Variants in MAP3K9 observed in about 807,000 individuals in gnomAD.
The protein encoded by MAP3K9 is mitogen-activated protein kinase kinase kinase 9.
In MAP3K9, 46 loss-of-function variants were observed where a neutral mutation model predicts 95.8. The ratio of observed to expected loss-of-function variants is 0.48; its 90% CI spans 0.38 to 0.61. MAP3K9 has a LOEUF of 0.61. MAP3K9 is among the 20% of genes least tolerant of loss of function. MAP3K9 has a pLI of 0.00. For synonymous variants in MAP3K9, 533 were observed against 593.8 expected (o/e 0.90, Z 1.49); for missense variants, 1,296 against 1,474.3 (o/e 0.88, Z 1.98).
chr14:70,782,166 G>A (rs771737746), intron 2 of MAP3K9, among the ~76,000 whole-genome samples: 11 of 152,122 alleles, frequency 7.2e-5, no homozygotes, highest in Admixed American at 2.6e-4. Context: ...ACATCACACT[G>A]TTCTGGTTGT....
At position 70,797,614 on chromosome 14, in the gene MAP3K9, T is replaced by C. The variant is rs1445429290; in HGVS notation, c.820+3053A>G. On this transcript the variant is annotated intron_variant, in intron 2 of 11. Coordinates refer to ENST00000554752, the MANE Select transcript of MAP3K9 (RefSeq NM_001284230.2). ...TTAGCCAGGTGTGGTGGCAGTCTCC[T>C]GTAATCCCAGCTACTCAGGAGGCCG... is the stretch of plus-strand genomic sequence containing the variant. Among the ~76,000 whole-genome samples the C allele has an allele frequency of 2.0e-5, 3 of 152,090 alleles. No individual in the cohort carries two copies. In the South Asian group the frequency reaches 6.2e-4, roughly 32 times the overall value.
intron 2 of MAP3K9, among the ~76,000 whole-genome samples, chr14:70,789,025 G>C (rs974687354): frequency 2.0e-5 from 3 of 152,172 alleles, no homozygotes; most frequent in Non-Finnish European, 4.4e-5. Context: ...TCCTCCTGGG[G>C]CAAAAGCATT....
At chr14:70,775,303 T>C (rs2054583460) in intron 2 of MAP3K9, among the ~76,000 whole-genome samples, 2 of 152,152 alleles carry the variant, frequency 1.3e-5, no homozygotes, top group African/African-American at 2.4e-5. Context: ...ATTTTATAGT[T>C]GAGGAAGCTG....
chr14:70,787,010 G>A (rs527878292), intron 2 of MAP3K9, among the ~76,000 whole-genome samples: 6 of 152,252 alleles, frequency 3.9e-5, no homozygotes, highest in East Asian at 1.9e-4. Flanking sequence ...CATGTACACC[G>A]TGAATAAAAC....
intron 1 of MAP3K9, among the ~76,000 whole-genome samples, chr14:70,805,973 A>C (rs1440102897): frequency 6.6e-6 from 1 of 152,228 alleles, no homozygotes; most frequent in African/African-American, 2.4e-5. Context: ...GTTTGAAGCT[A>C]AATTTTCACT....
rs867300562 is a variant in MAP3K9, at chr14:70,724,855, G to C, written c.*5525C>G. 1 of 152,210 alleles carries C rather than the reference G, an allele frequency of 6.6e-6. No homozygotes were observed. The highest frequency in any genetic ancestry group is 2.4e-5 in the African/African-American group (1 of 41,438). 9.4% of individuals were successfully genotyped at this position (152,210 alleles called of 1,614,324 possible). A position where few individuals can be genotyped will look rare whatever the true frequency, so the allele number is the denominator to read the frequency against. On this transcript the variant is annotated 3_prime_UTR_variant, in exon 12 of 12. Transcript: ENST00000554752. The stretch of plus-strand genomic sequence containing the variant: ...GACGTCTATCCCTCATGTTCCGGTA[G>C]GAGAGGCCTGTCTGTGCACCCCTGG...
chr14:70,806,366 T>C (rs1198046549), intron 1 of MAP3K9, among the ~76,000 whole-genome samples: 2 of 152,244 alleles, frequency 1.3e-5, no homozygotes, highest in Non-Finnish European at 2.9e-5. Context: ...GTACAGTATC[T>C]ATCACTCACT....
chr14:70,782,744 A>T (rs2054697228), intron 2 of MAP3K9, among the ~76,000 whole-genome samples: 2 of 152,182 alleles, frequency 1.3e-5, no homozygotes, highest in Admixed American at 1.3e-4. Flanking sequence ...TCCCACCTCC[A>T]TGTCCATTGC....
Position 70,736,015 on chromosome 14 carries a change from C to G in MAP3K9, c.1859G>C (p.Arg620Pro), listed in dbSNP as rs757616738. Residue 620 changes from arginine to proline, a missense_variant, in exon 9 of 12, where the codon CGT (arginine) becomes CCT (proline). Transcript: ENST00000554752. ...ASGDEGSPQR[R>P]EKANGLSTPS... Reference sequence around the variant, plus strand: ...GGTACTTAAACCATTAGCTTTCTCACGTCTCTGAGGGGATCTTCAATGAAT... The same window carrying G: ...GGTACTTAAACCATTAGCTTTCTCAGGTCTCTGAGGGGATCTTCAATGAAT... 2.5e-6 allele frequency: 4 copies of G among 1,612,610 alleles called. No homozygotes were observed. The highest frequency in any genetic ancestry group is 3.4e-6 in the Non-Finnish European group (4 of 1,178,712).
chr14:70,739,267 C>T (rs1050757190), intron 7 of MAP3K9, among the ~76,000 whole-genome samples: 2 of 152,158 alleles, frequency 1.3e-5, no homozygotes, highest in African/African-American at 2.4e-5. Context: ...GTAGCTCGGA[C>T]TACAGATGGG....
At chr14:70,767,869 T>C (rs907340280) in intron 2 of MAP3K9, among the ~76,000 whole-genome samples, 17 of 152,162 alleles carry the variant, frequency 1.1e-4, no homozygotes, top group African/African-American at 4.1e-4. Context: ...TTATTTTTTG[T>C]ATTGACCGGT....
intron 2 of MAP3K9, among the ~76,000 whole-genome samples, chr14:70,776,738 C>T (rs2054604290): frequency 6.6e-6 from 1 of 151,988 alleles, no homozygotes; most frequent in Non-Finnish European, 1.5e-5. Flanking sequence ...CAACCTAGAA[C>T]CTCCACTTTG....
chr14:70,772,213 C>T (rs1451511994), intron 2 of MAP3K9, among the ~76,000 whole-genome samples: 1 of 152,230 alleles, frequency 6.6e-6, no homozygotes, highest in African/African-American at 2.4e-5. Flanking sequence ...CTGGCACAAC[C>T]AGCAAAGCTA....
intron 2 of MAP3K9, among the ~76,000 whole-genome samples, chr14:70,774,983 C>CAAAAAAAAAAAAAAAAAAAA (rs60144338): frequency 1.6e-4 from 9 of 55,114 alleles, no homozygotes; most frequent in African/African-American, 3.1e-4. Flanking sequence ...ACTCTGTCCC[C>CAAAAAAAAAAAAAAAAAAAA]AAAAAAAAAA....
In MAP3K9 at chr14:70,797,536, G is replaced by A. The variant is rs573252442; in HGVS notation, c.820+3131C>T. Among the ~76,000 whole-genome samples, 17 of 152,176 alleles carry A rather than the reference G, an allele frequency of 1.1e-4. No individual in the cohort carries two copies. The East Asian group carries it at 2.7e-3, about 24-fold the overall frequency. On this transcript the variant is annotated intron_variant, in intron 2 of 11. Coordinates refer to ENST00000554752, the MANE Select transcript of MAP3K9 (RefSeq NM_001284230.2). ...GTGGATCACCTGAGGTCAGGAGTTC[G>A]AGACCAGGCTGGCCAACATGGCGAA...
Position 70,725,851 on chromosome 14 carries a change from CT to C in MAP3K9, c.*4528del, listed in dbSNP as rs1566721092. The C allele has an allele frequency of 9.3e-5, 14 of 150,304 alleles. No homozygotes were observed. The highest frequency in any genetic ancestry group is 3.4e-4 in the African/African-American group (14 of 40,736). The allele number at this position is 150,304 out of a possible 1,614,324, so 9.3% of individuals were successfully genotyped here. ...TATTTCACACACACACACACACACA[CT>C]TTTCTGCACCAAGGGAAGCAATCTG... On this transcript the variant is annotated 3_prime_UTR_variant, in exon 12 of 12. Transcript: ENST00000554752.
chr14:70,728,738 T>C lies in MAP3K9; in HGVS notation c.*1642A>G, dbSNP rs1180432465. ...TTTAGTGACCCCAAGGCAGGACATCTATCCCAGTTATAGAGAAAGAGCAGT... is the reference window on the plus strand; with the variant it reads ...TTTAGTGACCCCAAGGCAGGACATCCATCCCAGTTATAGAGAAAGAGCAGT... On this transcript the variant is annotated 3_prime_UTR_variant, in exon 12 of 12. Coordinates refer to ENST00000554752, the MANE Select transcript of MAP3K9 (RefSeq NM_001284230.2). 6.6e-6 allele frequency: 1 copy of C among 152,214 alleles called. No individual in the cohort carries two copies. The highest frequency in any genetic ancestry group is 1.9e-4 in the East Asian group (1 of 5,200). The allele number at this position is 152,214 out of a possible 1,614,324, so 9.4% of individuals were successfully genotyped here.
At chr14:70,778,698 T>C (rs777776461) in intron 2 of MAP3K9, among the ~76,000 whole-genome samples, 15 of 152,228 alleles carry the variant, frequency 9.9e-5, no homozygotes, top group Admixed American at 7.2e-4. Context: ...GCAGTACTTA[T>C]ATAAAAACAG....
chr14:70,799,671 C>G (rs1403072344), intron 2 of MAP3K9, among the ~76,000 whole-genome samples: 1 of 152,154 alleles, frequency 6.6e-6, no homozygotes, highest in Non-Finnish European at 1.5e-5. Flanking sequence ...AACAGATTCA[C>G]CATAGTATCA....
Sources: gnomAD v4.1 joint callset for allele counts (sites outside exome capture counted in the v4.1 genomes callset) on GRCh38, gnomAD v4.1.1 for gene constraint, MANE v1.5 for transcripts, NCBI Gene and HGNC (gene_info 2026-07-23, HGNC 2026-07-21) for gene names.